Variants in UFL1 observed in about 807,000 individuals in gnomAD.
The protein encoded by UFL1 is UFM1 specific ligase 1.
A neutral mutation model predicts 99.3 loss-of-function variants in UFL1; 78 were observed. That is an observed-to-expected ratio of 0.79 (90% CI 0.65 to 0.95). The LOEUF is 0.95. Among genes scored for constraint, UFL1 ranks in the 40% least tolerant of loss-of-function variants. The pLI, the probability that UFL1 is intolerant of heterozygous loss-of-function variation, is 0.00. For missense variants in UFL1, 936 were observed against 937.0 expected (o/e 1.00, Z 0.01); for synonymous variants, 335 against 322.2 (o/e 1.04, Z -0.42).
Position 96,537,440 on chromosome 6 carries a change from C to T in UFL1, c.869C>T (p.Thr290Ile). The stretch of plus-strand genomic sequence containing the variant: ...AGCTACATAAAGAAAAGATATAAGA[C>T]TACACAACTCTTGTTTTTGAAAGCA... ...AVSYIKKRYK[T>I]TQLLFLKAAC... Residue 290 changes from threonine to isoleucine, a missense_variant, in exon 9 of 19, where the codon ACT (threonine) becomes ATT (isoleucine). By Grantham distance (89) the Thr-to-Ile change is moderately conservative. Coordinates refer to ENST00000369278, the MANE Select transcript of UFL1 (RefSeq NM_015323.5). 1 of 1,609,474 alleles carries T rather than the reference C, an allele frequency of 6.2e-7. No individual in the cohort carries two copies.
intron 10 of UFL1, 80 bp downstream of exon 10, chr6:96,538,890 A>G: frequency 1.6e-6 from 2 of 1,281,058 alleles, no homozygotes; most frequent in Non-Finnish European, 1.1e-6. Flanking sequence ...GAAAAAGGGG[A>G]TAAGTGAAAG....
At chr6:96,547,469 T>A (rs920463730) in intron 12 of UFL1, among the ~76,000 whole-genome samples, 3 of 151,608 alleles carry the variant, frequency 2.0e-5, no homozygotes, top group Non-Finnish European at 3.0e-5. Context: ...CACTGCTGGG[T>A]TTCTACCCAA....
rs1450718757 is a variant in UFL1, at chr6:96,554,601, A to AAT, written c.*1099_*1100dup. ...TTATTTTGAATATAATTATAAATTA[A>AAT]ATTTCAAATATTTAAAAATACTATT... On this transcript the variant is annotated 3_prime_UTR_variant, in exon 19 of 19. Coordinates refer to ENST00000369278, the MANE Select transcript of UFL1 (RefSeq NM_015323.5). 6.6e-6 allele frequency: 1 copy of AAT among 151,936 alleles called. No homozygotes were observed. The highest frequency in any genetic ancestry group is 1.9e-4 in the East Asian group (1 of 5,196). The allele number at this position is 151,936 out of a possible 1,614,324, so 9.4% of individuals were successfully genotyped here.
In UFL1 at chr6:96,540,683, A is replaced by T. The variant is rs181339057; in HGVS notation, c.1279+28A>T. On this transcript the variant is annotated intron_variant, in intron 11 of 18. Transcript: ENST00000369278. The stretch of plus-strand genomic sequence containing the variant: ...AATAAATTGTTAACAAGGAATATTC[A>T]AAGTTTTGTATTTGTTGCAGTGAAC... 4.1e-4 allele frequency: 652 copies of T among 1,584,952 alleles called. 1 individual carries two copies. In the African/African-American group the frequency reaches 7.7e-3, roughly 19 times the overall value.
intron 7 of UFL1, among the ~76,000 whole-genome samples, chr6:96,534,637 C>CT (rs1390283400): frequency 2.0e-5 from 3 of 151,746 alleles, no homozygotes; most frequent in South Asian, 2.1e-4. Context: ...ATAGTTTTTA[C>CT]TTTGTTTCTT....
At chr6:96,539,315 A>T (rs573220843) in intron 10 of UFL1, among the ~76,000 whole-genome samples, 1 of 151,770 alleles carries the variant, frequency 6.6e-6, no homozygotes, top group East Asian at 1.9e-4. Context: ...AGGTCCTGCC[A>T]GGTCTGTGTT....
At position 96,523,241 on chromosome 6, in the gene UFL1, C is replaced by T; in HGVS notation, c.173C>T (p.Thr58Ile). The T allele has an allele frequency of 6.2e-7, 1 of 1,611,774 alleles. No homozygotes were observed. The highest frequency in any genetic ancestry group is 8.5e-7 in the Non-Finnish European group (1 of 1,179,054). The part of the protein sequence containing the change: ...VHTLDGKEYI[T>I]PAQISKEMRD... ...ACACTCGATGGAAAGGAATATATTACTCCAGCCCAAATTAGTAAAGAAATG... is the reference window on the plus strand; with the variant it reads ...ACACTCGATGGAAAGGAATATATTATTCCAGCCCAAATTAGTAAAGAAATG... Residue 58 changes from threonine (T) to isoleucine (I), a missense_variant, in exon 2 of 19, where the codon ACT becomes ATT. Transcript: ENST00000369278.
chr6:96,534,234 A>G, intron 6 of UFL1, 29 bp from the exon 7 acceptor site: 1 of 1,226,692 alleles, frequency 8.2e-7, no homozygotes, highest in Non-Finnish European at 1.1e-6. Flanking sequence ...ATGAGTAAGA[A>G]GTTTTTTTTT....
chr6:96,550,775 T>C (rs1271248004), intron 15 of UFL1, among the ~76,000 whole-genome samples: 1 of 151,994 alleles, frequency 6.6e-6, no homozygotes, highest in African/African-American at 2.4e-5. Context: ...TCTTGTTCCA[T>C]GCCCTTTAAG....
At chr6:96,546,523 G>T (rs756453265) in intron 12 of UFL1, among the ~76,000 whole-genome samples, 11 of 151,256 alleles carry the variant, frequency 7.3e-5, no homozygotes, top group Non-Finnish European at 1.5e-4. Flanking sequence ...CACTCCTAAA[G>T]TTGATATGGA....
At chr6:96,549,930 GT>G in intron 15 of UFL1, 131 bp downstream of exon 15, 4 of 1,292,798 alleles carry the variant, frequency 3.1e-6, no homozygotes, top group Non-Finnish European at 4.2e-6. Flanking sequence ...AAATCTAAAA[GT>G]TTTTTATTCA....
rs1295280465 is a variant in UFL1 at position 96,554,983 on chromosome 6, C to CAAAGT, written c.*1483_*1487dup. ...TTATCATTTATGTTTCAGTAGATATCAAAGTAATCCATGTTTGTGTCAAAT... is the reference window on the plus strand; with the variant it reads ...TTATCATTTATGTTTCAGTAGATATCAAAGTAAAGTAATCCATGTTTGTGTCAAAT... On this transcript the variant is annotated 3_prime_UTR_variant, in exon 19 of 19. Transcript: ENST00000369278. The CAAAGT allele has an allele frequency of 1.3e-5, 2 of 152,362 alleles. No homozygotes were observed. Among genetic ancestry groups the CAAAGT allele is most frequent in the East Asian group, 1.9e-4 (1 of 5,190 alleles). The allele number at this position is 152,362 out of a possible 1,614,324, so 9.4% of individuals were successfully genotyped here. A position where few individuals can be genotyped will look rare whatever the true frequency, so the allele number is the denominator to read the frequency against.
At chr6:96,526,509 GAAA>G (rs937222553) in intron 5 of UFL1, 74 bp downstream of exon 5, 7 of 1,208,956 alleles carry the variant, frequency 5.8e-6, no homozygotes, top group Non-Finnish European at 7.2e-6. Context: ...ATGGAAGGGG[GAAA>G]AAAAAATGAG....
chr6:96,521,839 G>A lies in UFL1; in HGVS notation c.-35G>A. ...CCACCGCCTGTCGGCTGACGTGTCT[G>A]CAGTTCCTCCGCGTCTACTGCGAGT... On this transcript the variant is annotated 5_prime_UTR_variant, in exon 1 of 19. Coordinates refer to ENST00000369278, the MANE Select transcript of UFL1 (RefSeq NM_015323.5). 3.1e-6 allele frequency: 5 copies of A among 1,598,778 alleles called. No homozygotes were observed. The highest frequency in any genetic ancestry group is 4.3e-6 in the Non-Finnish European group (5 of 1,173,554).
At chr6:96,542,171 T>A (rs2127952029) in intron 11 of UFL1, among the ~76,000 whole-genome samples, 1 of 151,462 alleles carries the variant, frequency 6.6e-6, no homozygotes, top group East Asian at 1.9e-4. Context: ...AGCAGGGAAA[T>A]GCTGAAGTAG....
chr6:96,534,977 A>C (rs1158942445), intron 7 of UFL1, among the ~76,000 whole-genome samples: 2 of 151,952 alleles, frequency 1.3e-5, no homozygotes, highest in African/African-American at 4.8e-5. Context: ...TGAACTTTAA[A>C]ATTTTTGTTT....
intron 6 of UFL1, among the ~76,000 whole-genome samples, chr6:96,529,348 C>G (rs1769749260): frequency 6.6e-6 from 1 of 152,174 alleles, no homozygotes; most frequent in African/African-American, 2.4e-5. Flanking sequence ...TCTATATCAT[C>G]TATCATGCTG....
chr6:96,541,140 G>C (rs1769925585), intron 11 of UFL1, among the ~76,000 whole-genome samples: 1 of 151,358 alleles, frequency 6.6e-6, no homozygotes. Flanking sequence ...AGTAGCCACA[G>C]TCACTCTCTG....
chr6:96,539,797 TTTC>T (rs1420124908), intron 10 of UFL1, among the ~76,000 whole-genome samples: 5 of 151,604 alleles, frequency 3.3e-5, no homozygotes, highest in Non-Finnish European at 7.4e-5. Context: ...GGTTATCACT[TTTC>T]TTCTTTCCTT....
Sources: gnomAD v4.1 joint callset for allele counts (sites outside exome capture counted in the v4.1 genomes callset) on GRCh38, gnomAD v4.1.1 for gene constraint, MANE v1.5 for transcripts, NCBI Gene and HGNC (gene_info 2026-07-23, HGNC 2026-07-21) for gene names.